Variants in AP4E1 observed in about 807,000 individuals in gnomAD.
AP4E1 encodes adaptor related protein complex 4 subunit epsilon 1.
In AP4E1, 56 loss-of-function variants were observed where a neutral mutation model predicts 128.2. The observed-to-expected ratio is 0.44, with a 90% confidence interval of 0.35 to 0.55. The LOEUF is 0.55. Among genes scored for constraint, AP4E1 ranks in the 20% least tolerant of loss-of-function variants. The probability of loss-of-function intolerance (pLI) is 0.00; values close to 1 mark genes in which losing one functional copy is unlikely to be tolerated. For synonymous variants in AP4E1, 484 were observed against 473.1 expected (o/e 1.02, Z -0.30); for missense variants, 1,324 against 1,307.7 (o/e 1.01, Z -0.19).
chr15:50,947,219 C>T (rs2064074270), intron 10 of AP4E1, among the ~76,000 whole-genome samples: 1 of 151,902 alleles, frequency 6.6e-6, no homozygotes, highest in Non-Finnish European at 1.5e-5. Context: ...AGTTCAAGAC[C>T]AGCCTGGGCA....
At chr15:50,934,589 AT>A (rs1567220423) in intron 7 of AP4E1, 34 bp from the exon 8 acceptor site, 4 of 1,454,692 alleles carry the variant, frequency 2.7e-6, no homozygotes, top group African/African-American at 1.4e-5. Flanking sequence ...TTAGAATACT[AT>A]AATTCTACTG....
In AP4E1 at chr15:50,908,896, G is replaced by A. The variant is rs1364127306; in HGVS notation, c.118G>A (p.Val40Ile). 3 of 1,610,646 alleles carry A rather than the reference G, an allele frequency of 1.9e-6. No homozygotes were observed. The highest frequency in any genetic ancestry group is 2.7e-5 in the African/African-American group (2 of 74,916). The change falls in exon 1 of 21, where the codon GTC (valine) becomes ATC (isoleucine). Residue 40 changes from valine to isoleucine, a missense_variant. Coordinates refer to ENST00000261842, the MANE Select transcript of AP4E1 (RefSeq NM_007347.5). The part of the protein sequence containing the change: ...ASFSSRLGSL[V>I]RGITALTSKH... ...CTTCTCCTCGAGGCTGGGCAGCCTTGTCCGCGGCATCACAGCCCTCACCTC... is the reference window on the plus strand; with the variant it reads ...CTTCTCCTCGAGGCTGGGCAGCCTTATCCGCGGCATCACAGCCCTCACCTC...
Position 50,981,449 on chromosome 15 carries a change from A to C in AP4E1, c.1967-2573A>C, listed in dbSNP as rs531262917. Among the ~76,000 whole-genome samples, 47 of 152,346 alleles carry C rather than the reference A, an allele frequency of 3.1e-4. 1 individual carries two copies. Among genetic ancestry groups the C allele is most frequent in the Admixed American group, 2.6e-3 (40 of 15,306 alleles). On this transcript the variant is annotated intron_variant, in intron 15 of 20. Transcript: ENST00000261842. ...TGCTCCACTATTGTATTTTGGAAGC[A>C]CATAACTTGTTAATTTCACAGCCCC...
rs772976840 is a variant in AP4E1, at chr15:50,949,811, T to C, written c.1317-15T>C. 6 of 1,581,678 alleles carry C rather than the reference T, an allele frequency of 3.8e-6. No individual in the cohort carries two copies. The highest frequency in any genetic ancestry group is 1.7e-5 in the Admixed American group (1 of 59,990). On this transcript the variant is annotated splice_polypyrimidine_tract_variant and intron_variant, in intron 11 of 20. Transcript: ENST00000261842. The stretch of plus-strand genomic sequence containing the variant: ...TAGCATTTGGAAGTGTACTTGTTCT[T>C]AACACTGTGGACACATATGCTCCTG...
intron 17 of AP4E1, among the ~76,000 whole-genome samples, chr15:50,996,021 C>T (rs1176083545): frequency 8.7e-6 from 1 of 114,784 alleles, no homozygotes; most frequent in Non-Finnish European, 1.7e-5. Context: ...CAGAATCTTG[C>T]TCTGTTACCC....
chr15:50,985,849 C>T (rs990471285), intron 16 of AP4E1, among the ~76,000 whole-genome samples: 1 of 152,044 alleles, frequency 6.6e-6, no homozygotes, highest in Non-Finnish European at 1.5e-5. Context: ...TCTGTGAAGA[C>T]AGTCATTGGT....
intron 13 of AP4E1, among the ~76,000 whole-genome samples, chr15:50,956,856 C>T (rs1481938568): frequency 6.6e-6 from 1 of 152,200 alleles, no homozygotes; most frequent in East Asian, 1.9e-4. Context: ...TTCCCCTTGA[C>T]CCCTTTGTGG....
intron 16 of AP4E1, among the ~76,000 whole-genome samples, chr15:50,985,238 A>AT: frequency 6.6e-6 from 1 of 151,934 alleles, no homozygotes; most frequent in East Asian, 1.9e-4. Context: ...GATTGCAAAA[A>AT]TTTTTTCCCA....
chr15:50,956,731 G>A (rs1567235201), intron 13 of AP4E1, among the ~76,000 whole-genome samples: 1 of 151,770 alleles, frequency 6.6e-6, no homozygotes, highest in Non-Finnish European at 1.5e-5. Flanking sequence ...CCCTTGACAT[G>A]TGGGGGATTA....
chr15:50,976,913 G>A (rs1291456997), intron 15 of AP4E1, among the ~76,000 whole-genome samples: 2 of 152,186 alleles, frequency 1.3e-5, no homozygotes, highest in Admixed American at 6.5e-5. Context: ...TTCATGGATT[G>A]GAAAGTACAT....
chr15:50,967,837 G>A (rs753931438), intron 14 of AP4E1, among the ~76,000 whole-genome samples: 26 of 152,202 alleles, frequency 1.7e-4, no homozygotes, highest in Non-Finnish European at 2.8e-4. Context: ...TTTTGAGACA[G>A]AATCTTGTTC....
At chr15:50,957,671 CTTTTTTTTTTTTT>C (rs61656848) in intron 13 of AP4E1, among the ~76,000 whole-genome samples, 1 of 88,006 alleles carries the variant, frequency 1.1e-5, no homozygotes, top group South Asian at 4.1e-4. Context: ...ACAAGCGTTT[CTTTTTTTTTTTTT>C]TTTTTTTTTT....
chr15:50,983,962 CTT>C, intron 15 of AP4E1, 58 bp from the exon 16 acceptor site: 3 of 1,566,616 alleles, frequency 1.9e-6, no homozygotes, highest in Non-Finnish European at 2.6e-6. Flanking sequence ...TGAATGGTAA[CTT>C]TGACAGTTTT....
intron 10 of AP4E1, 63 bp downstream of exon 10, chr15:50,941,838 T>C: frequency 7.9e-7 from 1 of 1,258,608 alleles, no homozygotes; most frequent in Non-Finnish European, 1.1e-6. Flanking sequence ...TTGTTGGCAT[T>C]GTGTAGAGAG....
intron 10 of AP4E1, chr15:50,945,743 G>A (rs537645701): frequency 9.0e-6 from 7 of 775,948 alleles, no homozygotes; most frequent in Non-Finnish European, 1.7e-5. Context: ...GAAAAATTTG[G>A]TGTGCTTACA....
intron 14 of AP4E1, among the ~76,000 whole-genome samples, chr15:50,962,157 T>A (rs1165935102): frequency 6.6e-6 from 1 of 151,982 alleles, no homozygotes; most frequent in Non-Finnish European, 1.5e-5. Flanking sequence ...TGCTCATGGA[T>A]CACATGAATA....
At chr15:50,971,636 A>G (rs1226964257) in intron 15 of AP4E1, among the ~76,000 whole-genome samples, 1 of 151,926 alleles carries the variant, frequency 6.6e-6, no homozygotes, top group Non-Finnish European at 1.5e-5. Flanking sequence ...CATTTTTTTA[A>G]AAATTATTTT....
intron 13 of AP4E1, among the ~76,000 whole-genome samples, chr15:50,951,820 G>A (rs2064154930): frequency 6.8e-6 from 1 of 147,930 alleles, no homozygotes; most frequent in African/African-American, 2.5e-5. Context: ...TCTGCCTCCT[G>A]GGTTCAAGCA....
In AP4E1 at chr15:50,934,605, TA is replaced by T; in HGVS notation, c.870-15del. On this transcript the variant is annotated intron_variant, in intron 7 of 20. Coordinates refer to ENST00000261842, the MANE Select transcript of AP4E1 (RefSeq NM_007347.5). ...TAGAATACTATAATTCTACTGCAAA[TA>T]AAATATCTTTTAAACAGGACAAGTG... 1 of 1,565,558 alleles carries T rather than the reference TA, an allele frequency of 6.4e-7. No homozygotes were observed. The highest frequency in any genetic ancestry group is 8.8e-7 in the Non-Finnish European group (1 of 1,136,996).
Sources: allele counts gnomAD v4.1 joint callset (sites outside exome capture counted in the v4.1 genomes callset), GRCh38; gene constraint gnomAD v4.1.1; transcripts MANE v1.5; gene names NCBI Gene and HGNC (gene_info 2026-07-23, HGNC 2026-07-21).